The following SORCS1 variants were observed in gnomAD, a reference collection of about 807,000 sequenced individuals.
The protein encoded by SORCS1 is VPS10 domain-containing receptor SorCS1.
In SORCS1, 60 loss-of-function variants were observed where a neutral mutation model predicts 146.1. The observed-to-expected ratio is 0.41, with a 90% CI of 0.33 to 0.51. The LOEUF (loss-of-function observed/expected upper bound fraction) is 0.51, where lower values mean the gene tolerates loss of function less well. SORCS1 is among the 20% of genes least tolerant of loss of function. The pLI is 0.21. For synonymous variants in SORCS1, 637 were observed against 584.0 expected, an observed-to-expected ratio of 1.09 and a Z score of -1.31; for missense variants, 1,352 against 1,487.6, an observed-to-expected ratio of 0.91 and a Z score of 1.50.
chr10:106,875,077 G>A (rs1333587704), intron 2 of SORCS1, among the ~76,000 whole-genome samples: 2 of 152,010 alleles, frequency 1.3e-5, no homozygotes, highest in African/African-American at 4.8e-5. Context: ...AGTGTACATC[G>A]TACCCAATAC....
At chr10:106,907,090 A>T (rs1175173878) in intron 2 of SORCS1, among the ~76,000 whole-genome samples, 1 of 152,218 alleles carries the variant, frequency 6.6e-6, no homozygotes, top group Non-Finnish European at 1.5e-5. Context: ...ACTTGCCAGT[A>T]GATGCATATT....
intron 23 of SORCS1, among the ~76,000 whole-genome samples, chr10:106,601,600 G>A (rs1846243892): frequency 6.6e-6 from 1 of 152,212 alleles, no homozygotes; most frequent in South Asian, 2.1e-4. Flanking sequence ...GAGGAAGATT[G>A]AATGCAGCAC....
chr10:106,664,984 C>G (rs1004757222), intron 17 of SORCS1, among the ~76,000 whole-genome samples: 8 of 152,016 alleles, frequency 5.3e-5, no homozygotes, highest in African/African-American at 1.9e-4. Context: ...CTCCATGGTA[C>G]TATGCTAAGA....
intron 3 of SORCS1, among the ~76,000 whole-genome samples, chr10:106,777,681 T>C (rs572105609): frequency 3.3e-4 from 51 of 152,332 alleles, no homozygotes; most frequent in African/African-American, 1.2e-3. Context: ...TCAATCACAA[T>C]AGCAGCAAGA....
Position 106,829,606 on chromosome 10 carries a change from A to T in SORCS1, c.694T>A (p.Tyr232Asn), listed in dbSNP as rs1339545491. ...TTGTTGGTAGGACACACATAGAGAT[A>T]GCTCAAAATGGTTTTCAAACCAACT... ...DKVGLKTILS[Y>N]LYVCPTNKRK... The change falls in exon 3 of 26, where the codon TAT becomes AAT. Residue 232 changes from tyrosine to asparagine, a missense_variant. Around this residue, in one of 3 missense-constraint regions of SORCS1, gnomAD observed 490 missense variants for 489.1 expected, o/e 1.00. Transcript: ENST00000263054. The T allele has an allele frequency of 1.9e-6, 3 of 1,606,042 alleles. No homozygotes were observed. The highest frequency in any genetic ancestry group is 2.6e-6 in the Non-Finnish European group (3 of 1,173,654).
intron 18 of SORCS1, among the ~76,000 whole-genome samples, chr10:106,644,586 C>G (rs1849285963): frequency 1.3e-5 from 2 of 152,088 alleles, no homozygotes; most frequent in African/African-American, 4.8e-5. Context: ...AGGCTGGTCT[C>G]AAACTCCTGA....
intron 1 of SORCS1, among the ~76,000 whole-genome samples, chr10:107,127,540 C>A (rs983470130): frequency 2.0e-5 from 3 of 152,112 alleles, no homozygotes; most frequent in African/African-American, 7.2e-5. Flanking sequence ...ATTCTTAGGA[C>A]AGCAGGGAAA....
chr10:106,679,732 G>A lies in SORCS1; in HGVS notation c.1563C>T (p.Pro521=), dbSNP rs1345226938. 6.2e-7 allele frequency: 1 copy of A among 1,605,992 alleles called. No homozygotes were observed. The highest frequency in any genetic ancestry group is 8.5e-7 in the Non-Finnish European group (1 of 1,175,062). ...TCAGGTGAAGGTGTAGTGAGCAATA[G>A]GGCTGAAAAGAGAAATAATAAGTGC... ...LRGDPVHCLL[P]YCSLHLHLKV... The change falls in exon 11 of 26, where the codon CCC becomes CCT. Residue 521 remains proline, a splice_region_variant and synonymous_variant. Coordinates refer to ENST00000263054, the MANE Select transcript of SORCS1 (RefSeq NM_052918.5).
At chr10:106,621,704 C>A (rs183322104) in intron 19 of SORCS1, among the ~76,000 whole-genome samples, 50 of 152,054 alleles carry the variant, frequency 3.3e-4, no homozygotes, top group Non-Finnish European at 4.4e-5. Context: ...CACTCATATT[C>A]ATCCAGGAGC....
At chr10:107,133,179 G>C (rs899627610) in intron 1 of SORCS1, among the ~76,000 whole-genome samples, 1 of 152,186 alleles carries the variant, frequency 6.6e-6, no homozygotes, top group African/African-American at 2.4e-5. Flanking sequence ...GAGCTTGAAG[G>C]CTCCTGCAGA....
intron 2 of SORCS1, among the ~76,000 whole-genome samples, chr10:106,841,690 C>T (rs555638268): frequency 1.3e-5 from 2 of 152,142 alleles, no homozygotes; most frequent in Non-Finnish European, 2.9e-5. Flanking sequence ...CAGCATCTAG[C>T]CTGTTCAGAT....
In SORCS1 at chr10:107,057,821, T is replaced by C. The variant is rs909422256; in HGVS notation, c.559-101241A>G. ...CCACGGACCTTGTGTTTTGTTTCCT[T>C]GTTTAGAGAGGAGTCTCACTATTCT... is the stretch of plus-strand genomic sequence containing the variant. On this transcript the variant is annotated intron_variant, in intron 1 of 25. Coordinates refer to ENST00000263054, the MANE Select transcript of SORCS1 (RefSeq NM_052918.5). Among the ~76,000 whole-genome samples the C allele has an allele frequency of 3.3e-5, 5 of 152,300 alleles. No individual in the cohort carries two copies. The Middle Eastern group carries it at 0.01, about 311-fold the overall frequency.
intron 1 of SORCS1, among the ~76,000 whole-genome samples, chr10:107,155,129 A>G (rs947469354): frequency 6.6e-6 from 1 of 152,214 alleles, no homozygotes; most frequent in Non-Finnish European, 1.5e-5. Context: ...CACCTGGGCT[A>G]CACTGTACTG....
rs1360690669 is a variant in SORCS1, at chr10:106,969,503, T to C, written c.559-12923A>G. 3.9e-5 allele frequency among the ~76,000 whole-genome samples: 6 copies of C among 152,144 alleles called. No homozygotes were observed. In the South Asian group the frequency reaches 1.2e-3, roughly 32 times the overall value. On this transcript the variant is annotated intron_variant, in intron 1 of 25. Coordinates refer to ENST00000263054, the MANE Select transcript of SORCS1 (RefSeq NM_052918.5). Reference sequence around the variant, plus strand: ...TGGGCCAGTTCTGAGATGGAAGAGTTGAAAGAAGTAGATCTAGGACCAGGA... The same window carrying C: ...TGGGCCAGTTCTGAGATGGAAGAGTCGAAAGAAGTAGATCTAGGACCAGGA...
chr10:107,113,834 A>C (rs556064580), intron 1 of SORCS1, among the ~76,000 whole-genome samples: 4 of 152,020 alleles, frequency 2.6e-5, no homozygotes, highest in Non-Finnish European at 5.9e-5. Flanking sequence ...TGAAATAGAG[A>C]CTAAAAAGAA....
At chr10:106,999,566 C>G (rs1196058517) in intron 1 of SORCS1, among the ~76,000 whole-genome samples, 4 of 152,188 alleles carry the variant, frequency 2.6e-5, no homozygotes, top group Non-Finnish European at 5.9e-5. Flanking sequence ...CACATTTTTT[C>G]TCTCATCTCT....
At chr10:107,144,655 G>C (rs1035594785) in intron 1 of SORCS1, among the ~76,000 whole-genome samples, 3 of 152,224 alleles carry the variant, frequency 2.0e-5, no homozygotes, top group African/African-American at 7.2e-5. Context: ...TGGGCACTCC[G>C]TAGTGAGCAG....
chr10:106,835,787 A>T (rs1393059753), intron 2 of SORCS1, among the ~76,000 whole-genome samples: 1 of 151,372 alleles, frequency 6.6e-6, no homozygotes, highest in Non-Finnish European at 1.5e-5. Context: ...GGGTGGATCA[A>T]CTGAGGTCGG....
Position 107,090,767 on chromosome 10 carries a change from G to A in SORCS1, c.558+73202C>T, listed in dbSNP as rs531868049. On this transcript the variant is annotated intron_variant, in intron 1 of 25. Coordinates refer to ENST00000263054, the MANE Select transcript of SORCS1 (RefSeq NM_052918.5). The stretch of plus-strand genomic sequence containing the variant: ...TGAACCAAAGCCCTTATTTTGATAA[G>A]CAGATTTCTGAAAGGGTTAGCCAGT... Among the ~76,000 whole-genome samples, 7 of 152,286 alleles carry A rather than the reference G, an allele frequency of 4.6e-5. No homozygotes were observed. The South Asian group carries it at 1.5e-3, about 32-fold the overall frequency.
Sources: allele counts gnomAD v4.1 joint callset (sites outside exome capture counted in the v4.1 genomes callset), GRCh38; gene constraint gnomAD v4.1.1; regional missense constraint gnomAD v4.1.1; transcripts MANE v1.5; gene names NCBI Gene and HGNC (gene_info 2026-07-23, HGNC 2026-07-21).